Variants in CCSER1 observed in about 807,000 individuals in gnomAD.
CCSER1 encodes the protein serine-rich coiled-coil domain-containing protein 1.
CCSER1 carries 41 observed loss-of-function variants against 82.0 expected under a neutral mutation model. The ratio of observed to expected loss-of-function variants is 0.50; its 90% CI spans 0.39 to 0.65. The LOEUF (loss-of-function observed/expected upper bound fraction) is 0.65. CCSER1 is among the 30% of genes least tolerant of loss of function. CCSER1 has a pLI of 0.00. For missense variants in CCSER1, 1,119 were observed against 1,064.2 expected (o/e 1.05, Z -0.72); for synonymous variants, 414 against 383.9 (o/e 1.08, Z -0.92).
At chr4:90,773,572 C>A (rs76710182) in intron 7 of CCSER1, among the ~76,000 whole-genome samples, 3,212 of 152,030 alleles carry the variant, frequency 0.021, 97 homozygotes, top group African/African-American at 0.067. Flanking sequence ...ACCTTCCCAC[C>A]TCCTCTCCAG....
intron 3 of CCSER1, among the ~76,000 whole-genome samples, chr4:90,393,116 G>A (rs1265992283): frequency 6.6e-5 from 10 of 152,088 alleles, no homozygotes; most frequent in Admixed American, 6.6e-4. Flanking sequence ...CTTGTCACTT[G>A]TACATCTCTC....
chr4:91,363,775 A>G (rs966811712), intron 10 of CCSER1, among the ~76,000 whole-genome samples: 1 of 151,728 alleles, frequency 6.6e-6, no homozygotes, highest in Non-Finnish European at 1.5e-5. Flanking sequence ...AGATCTTATT[A>G]CTATATTTAT....
chr4:91,410,710 T>C lies in CCSER1; in HGVS notation c.2218-187862T>C, dbSNP rs1352629342. ...TAAAGAGAAAAAGAATGTATAATTT[T>C]ATGTTACCTTTATGTAATTTATCTG... is the stretch of plus-strand genomic sequence containing the variant. On this transcript the variant is annotated intron_variant, in intron 10 of 10. Coordinates refer to ENST00000509176, the MANE Select transcript of CCSER1 (RefSeq NM_001145065.2). Among the ~76,000 whole-genome samples, 7 of 152,172 alleles carry C rather than the reference T, an allele frequency of 4.6e-5. 1 individual carries two copies. The East Asian group carries it at 1.3e-3, about 29-fold the overall frequency.
intron 5 of CCSER1, among the ~76,000 whole-genome samples, chr4:90,614,677 G>C (rs917023858): frequency 1.3e-5 from 2 of 152,142 alleles, no homozygotes; most frequent in African/African-American, 4.8e-5. Context: ...AGGTGAAAAA[G>C]CTGCTGAAGA....
intron 9 of CCSER1, among the ~76,000 whole-genome samples, chr4:91,074,850 AG>A (rs1440781573): frequency 1.3e-5 from 2 of 152,232 alleles, no homozygotes; most frequent in Non-Finnish European, 2.9e-5. Flanking sequence ...CTACATGTTA[AG>A]AAAAACTGTC....
chr4:90,156,856 A>G (rs920497391), intron 1 of CCSER1, among the ~76,000 whole-genome samples: 55 of 152,198 alleles, frequency 3.6e-4, no homozygotes, highest in Non-Finnish European at 6.6e-4. Flanking sequence ...TTTAATTGGA[A>G]CATTTAGTCC....
chr4:90,345,103 CA>C (rs1742094403), intron 3 of CCSER1, among the ~76,000 whole-genome samples: 1 of 151,926 alleles, frequency 6.6e-6, no homozygotes, highest in South Asian at 2.1e-4. Flanking sequence ...GTTTTATTGT[CA>C]AAACTAAATA....
chr4:91,520,084 T>C (rs1005342257), intron 10 of CCSER1, among the ~76,000 whole-genome samples: 1 of 152,220 alleles, frequency 6.6e-6, no homozygotes, highest in African/African-American at 2.4e-5. Context: ...GTCTTTTCTG[T>C]TCCTTGTGTT....
chr4:91,355,310 T>TG (rs754009005), intron 10 of CCSER1, among the ~76,000 whole-genome samples: 3 of 152,112 alleles, frequency 2.0e-5, no homozygotes, highest in Non-Finnish European at 2.9e-5. Flanking sequence ...GTTACATTTT[T>TG]GGGGGCCCCT....
intron 1 of CCSER1, among the ~76,000 whole-genome samples, chr4:90,270,722 A>C (rs1246644039): frequency 6.6e-6 from 1 of 152,146 alleles, no homozygotes; most frequent in Non-Finnish European, 1.5e-5. Flanking sequence ...TGCAGATGAT[A>C]TGATCTTATA....
chr4:90,765,294 T>C (rs1366000123), intron 7 of CCSER1, among the ~76,000 whole-genome samples: 1 of 152,170 alleles, frequency 6.6e-6, no homozygotes, highest in Non-Finnish European at 1.5e-5. Flanking sequence ...GGATTCTGAA[T>C]TACTGCATAA....
At chr4:91,223,392 C>A (rs1737905373) in intron 10 of CCSER1, among the ~76,000 whole-genome samples, 1 of 151,902 alleles carries the variant, frequency 6.6e-6, no homozygotes, top group South Asian at 2.1e-4. Context: ...TGTAGGCAAT[C>A]TTTTTGGTCT....
At chr4:91,090,921 A>G (rs1354024701) in intron 10 of CCSER1, among the ~76,000 whole-genome samples, 1 of 152,096 alleles carries the variant, frequency 6.6e-6, no homozygotes, top group Non-Finnish European at 1.5e-5. Flanking sequence ...TTTTGGGTCC[A>G]AGGGGTTTGT....
intron 8 of CCSER1, among the ~76,000 whole-genome samples, chr4:90,919,245 G>A (rs1320238011): frequency 6.6e-6 from 1 of 151,812 alleles, no homozygotes; most frequent in African/African-American, 2.4e-5. Flanking sequence ...AATATGTGAT[G>A]TGGAGGCAGC....
At chr4:91,172,249 T>TG (rs1410232627) in intron 10 of CCSER1, among the ~76,000 whole-genome samples, 1 of 152,112 alleles carries the variant, frequency 6.6e-6, no homozygotes, top group Non-Finnish European at 1.5e-5. Flanking sequence ...CAAAATAAAC[T>TG]GGAAGAGTAG....
chr4:90,786,201 C>T (rs1373690687), intron 7 of CCSER1, among the ~76,000 whole-genome samples: 1 of 152,104 alleles, frequency 6.6e-6, no homozygotes, highest in African/African-American at 2.4e-5. Flanking sequence ...CGTGGAAGCG[C>T]AACTGAAGTG....
At chr4:90,177,897 C>CT (rs926637760) in intron 1 of CCSER1, among the ~76,000 whole-genome samples, 1 of 152,014 alleles carries the variant, frequency 6.6e-6, no homozygotes, top group African/African-American at 2.4e-5. Flanking sequence ...TTGAATGTCC[C>CT]TAATCTGAAA....
chr4:91,222,263 C>T lies in CCSER1; in HGVS notation c.2217+136269C>T, dbSNP rs562643168. ...ACAGCCGAGAGAGGCGTATTCCAGA[C>T]TGAAACAAAGTCTGAGAGTGTAGTA... On this transcript the variant is annotated intron_variant, in intron 10 of 10. Coordinates refer to ENST00000509176, the MANE Select transcript of CCSER1 (RefSeq NM_001145065.2). Among the ~76,000 whole-genome samples the T allele has an allele frequency of 2.6e-5, 4 of 151,562 alleles. No individual in the cohort carries two copies. In the East Asian group the frequency reaches 5.9e-4, roughly 22 times the overall value.
At chr4:91,180,514 C>T (rs957788539) in intron 10 of CCSER1, among the ~76,000 whole-genome samples, 19 of 152,314 alleles carry the variant, frequency 1.2e-4, no homozygotes, top group South Asian at 4.1e-4. Context: ...CAATGGCGGA[C>T]GCCCCTTCCC....
Sources: gnomAD v4.1 joint callset for allele counts (sites outside exome capture counted in the v4.1 genomes callset) on GRCh38, gnomAD v4.1.1 for gene constraint, MANE v1.5 for transcripts, NCBI Gene and HGNC (gene_info 2026-07-23, HGNC 2026-07-21) for gene names.